The following MAGI1 variants were observed in gnomAD, a reference collection of about 807,000 sequenced individuals.
MAGI1 encodes the protein membrane-associated guanylate kinase, WW and PDZ domain-containing protein 1.
MAGI1 carries 58 observed loss-of-function variants against 139.9 expected under a neutral mutation model. The ratio of observed to expected loss-of-function variants is 0.41; its 90% CI spans 0.34 to 0.52. The LOEUF (loss-of-function observed/expected upper bound fraction) is 0.52. Ranked by LOEUF, MAGI1 falls within the 20% of genes least tolerant of loss-of-function variation. The probability of loss-of-function intolerance (pLI) is 0.12; values close to 1 mark genes in which losing one functional copy is unlikely to be tolerated. For missense variants in MAGI1, 1,874 were observed against 1,901.6 expected, an observed-to-expected ratio of 0.99 and a Z score of 0.27; for synonymous variants, 812 against 737.9, an observed-to-expected ratio of 1.10 and a Z score of -1.63.
chr3:65,706,621 G>C (rs2030339931), intron 1 of MAGI1, among the ~76,000 whole-genome samples: 1 of 152,198 alleles, frequency 6.6e-6, no homozygotes, highest in Non-Finnish European at 1.5e-5. Context: ...TCCTGGAGAG[G>C]AGTGAAAGAT....
chr3:65,594,672 A>G (rs1239667756), intron 2 of MAGI1, among the ~76,000 whole-genome samples: 1 of 152,220 alleles, frequency 6.6e-6, no homozygotes, highest in Non-Finnish European at 1.5e-5. Flanking sequence ...TATCAACATA[A>G]GAAATTTTTT....
chr3:65,700,467 A>G (rs1002024555), intron 1 of MAGI1, among the ~76,000 whole-genome samples: 1 of 152,116 alleles, frequency 6.6e-6, no homozygotes. Context: ...ATAAATAAAT[A>G]AATAATAATA....
intron 1 of MAGI1, among the ~76,000 whole-genome samples, chr3:65,750,775 T>C (rs1394273213): frequency 6.6e-6 from 1 of 152,226 alleles, no homozygotes; most frequent in Non-Finnish European, 1.5e-5. Flanking sequence ...CGCTGAAAGT[T>C]GAAAGCCACC....
chr3:65,486,330 C>A (rs559990307), intron 3 of MAGI1, among the ~76,000 whole-genome samples: 4 of 152,324 alleles, frequency 2.6e-5, no homozygotes, highest in South Asian at 2.1e-4. Context: ...AGTGTATAAT[C>A]AGCCTCTTCT....
chr3:65,783,325 T>C (rs146173056), intron 1 of MAGI1, among the ~76,000 whole-genome samples: 2 of 152,212 alleles, frequency 1.3e-5, no homozygotes, highest in South Asian at 2.1e-4. Flanking sequence ...AAGACACCGC[T>C]TCACACCCAC....
intron 1 of MAGI1, among the ~76,000 whole-genome samples, chr3:65,622,650 G>C (rs976942085): frequency 6.6e-6 from 1 of 151,852 alleles, no homozygotes; most frequent in African/African-American, 2.4e-5. Flanking sequence ...GGTAACCTCC[G>C]CCTCACAGAT....
chr3:65,467,053 G>C lies in MAGI1; in HGVS notation c.959+3230C>G, dbSNP rs950730222. On this transcript the variant is annotated intron_variant, in intron 5 of 22. Transcript: ENST00000402939. ...GCATTTCTGGGTTGCTGGCTCTTTA[G>C]CTTTAAGTCTGGATAAATGGAGTAA... is the stretch of plus-strand genomic sequence containing the variant. Among the ~76,000 whole-genome samples, 37 of 152,270 alleles carry C rather than the reference G, an allele frequency of 2.4e-4. 1 individual carries two copies. The highest frequency in any genetic ancestry group is 6.2e-4 in the South Asian group (3 of 4,818).
intron 1 of MAGI1, among the ~76,000 whole-genome samples, chr3:65,633,651 T>C (rs2084434665): frequency 6.6e-6 from 1 of 152,228 alleles, no homozygotes; most frequent in African/African-American, 2.4e-5. Flanking sequence ...TTAAATGCCA[T>C]CATCTTGATT....
At chr3:65,817,245 C>T (rs12634960) in intron 1 of MAGI1, among the ~76,000 whole-genome samples, 75,134 of 151,970 alleles carry the variant, frequency 0.49, 19,523 homozygotes, top group East Asian at 0.76. Context: ...TTTTAAAGGT[C>T]TCAGATTATT....
At chr3:65,628,837 C>T (rs79251535) in intron 1 of MAGI1, among the ~76,000 whole-genome samples, 4,480 of 152,232 alleles carry the variant, frequency 0.029, 87 homozygotes, top group Middle Eastern at 0.058. Flanking sequence ...CTGATTACAA[C>T]TGAGAGTGAG....
chr3:65,785,287 C>T (rs977884761), intron 1 of MAGI1, among the ~76,000 whole-genome samples: 2 of 152,034 alleles, frequency 1.3e-5, no homozygotes, highest in African/African-American at 2.4e-5. Flanking sequence ...TACAGAAAAC[C>T]GAGTGTCTAA....
intron 1 of MAGI1, among the ~76,000 whole-genome samples, chr3:65,915,986 T>C (rs1261703577): frequency 6.7e-6 from 1 of 148,934 alleles, no homozygotes. Context: ...AATGTGAATA[T>C]ATATAATATG....
intron 2 of MAGI1, among the ~76,000 whole-genome samples, chr3:65,537,713 TA>T (rs1229151305): frequency 2.0e-5 from 3 of 152,208 alleles, no homozygotes; most frequent in Non-Finnish European, 4.4e-5. Context: ...CTAGATTTTT[TA>T]AGTGAATGCA....
chr3:65,490,222 G>C (rs1409915740), intron 3 of MAGI1, among the ~76,000 whole-genome samples: 2 of 152,190 alleles, frequency 1.3e-5, no homozygotes, highest in African/African-American at 2.4e-5. Context: ...CTACCTCTGA[G>C]GAAGCACTAT....
At chr3:65,518,279 A>G (rs899253790) in intron 2 of MAGI1, among the ~76,000 whole-genome samples, 2 of 152,152 alleles carry the variant, frequency 1.3e-5, no homozygotes, top group East Asian at 3.9e-4. Context: ...CACATTTTAC[A>G]ATCTGTAAAA....
chr3:65,869,823 C>T (rs1429513003), intron 1 of MAGI1, among the ~76,000 whole-genome samples: 1 of 152,210 alleles, frequency 6.6e-6, no homozygotes, highest in East Asian at 1.9e-4. Flanking sequence ...TGGTGTCTCA[C>T]ATTCCTCACC....
intron 2 of MAGI1, among the ~76,000 whole-genome samples, chr3:65,576,500 G>T (rs1030927058): frequency 6.6e-6 from 1 of 152,084 alleles, no homozygotes; most frequent in Non-Finnish European, 1.5e-5. Context: ...GCCATCCAGG[G>T]GTCTTGTTGA....
At chr3:65,638,432 A>T (rs1005610487) in intron 1 of MAGI1, among the ~76,000 whole-genome samples, 8 of 151,676 alleles carry the variant, frequency 5.3e-5, no homozygotes, top group Non-Finnish European at 1.0e-4. Flanking sequence ...ACTGCAAACT[A>T]ATTAAAACTG....
At chr3:65,849,099 C>A (rs1559940388) in intron 1 of MAGI1, among the ~76,000 whole-genome samples, 1 of 134,004 alleles carries the variant, frequency 7.5e-6, no homozygotes, top group African/African-American at 2.8e-5. Context: ...TCTCGGCTCA[C>A]TGGAATCTCC....
Sources: gnomAD v4.1 joint callset for allele counts (sites outside exome capture counted in the v4.1 genomes callset) on GRCh38, gnomAD v4.1.1 for gene constraint, MANE v1.5 for transcripts, NCBI Gene and HGNC (gene_info 2026-07-23, HGNC 2026-07-21) for gene names.